ERCC6: variants seen among roughly 807,000 people sequenced by gnomAD.
The protein encoded by ERCC6 is ERCC excision repair 6, chromatin remodeling factor.
ERCC6 carries 116 observed loss-of-function variants against 158.7 expected under a neutral mutation model. The observed-to-expected ratio is 0.73, with a 90% CI of 0.63 to 0.85. ERCC6 has a LOEUF of 0.85. Among genes scored for constraint, ERCC6 ranks in the 40% least tolerant of loss-of-function variants. The pLI is 0.00. For synonymous variants in ERCC6, 678 were observed against 659.3 expected (o/e 1.03, Z -0.43); for missense variants, 1,698 against 1,799.4 (o/e 0.94, Z 1.02).
rs760694729 is a variant in ERCC6 at position 49,471,049 on chromosome 10, T to C, written c.2996A>G (p.Asn999Ser). ...CAGAGTAAATAGCTCATAGAGATCA[T>C]TGGATTTGAAAAACCGCCTTTGTTT... is the stretch of plus-strand genomic sequence containing the variant. ...DPKQRRFFKS[N>S]DLYELFTLTS... The change falls in exon 17 of 21, where the codon AAT becomes AGT. Residue 999 changes from asparagine (N) to serine (S), a missense_variant. Asn to Ser is a conservative substitution (Grantham distance 46). Transcript: ENST00000355832. 73 of 1,614,010 alleles carry C rather than the reference T, an allele frequency of 4.5e-5. No individual in the cohort carries two copies. In the Middle Eastern group the frequency reaches 4.9e-4, roughly 11 times the overall value.
chr10:49,511,794 C>A (rs1036334344), intron 5 of ERCC6, among the ~76,000 whole-genome samples: 21 of 152,108 alleles, frequency 1.4e-4, no homozygotes, highest in Admixed American at 1.3e-4. Flanking sequence ...GAGAACCCAA[C>A]AACAGACACA....
At chr10:49,479,307 G>T (rs1430366302) in intron 10 of ERCC6, among the ~76,000 whole-genome samples, 6 of 151,958 alleles carry the variant, frequency 3.9e-5, no homozygotes, top group African/African-American at 1.5e-4. Flanking sequence ...TAATAAAAAA[G>T]AGCTTGACCA....
chr10:49,533,479 T>C (rs1243463723), intron 1 of ERCC6, among the ~76,000 whole-genome samples: 1 of 152,148 alleles, frequency 6.6e-6, no homozygotes, highest in Non-Finnish European at 1.5e-5. Flanking sequence ...TTTGAACAAA[T>C]CAGAAGCTCA....
intron 2 of ERCC6, among the ~76,000 whole-genome samples, chr10:49,531,914 C>A (rs4253015): frequency 6.6e-6 from 1 of 152,108 alleles, no homozygotes; most frequent in Non-Finnish European, 1.5e-5. Context: ...CCTCCCACTT[C>A]CCCTCTCCTG....
chr10:49,482,891 A>T (rs767770084), intron 9 of ERCC6, 28 bp from the exon 10 acceptor site: 1 of 1,613,700 alleles, frequency 6.2e-7, no homozygotes, highest in East Asian at 2.2e-5. Flanking sequence ...GCACCTTTTT[A>T]TTAAATTTAC....
intron 18 of ERCC6, among the ~76,000 whole-genome samples, chr10:49,462,523 A>G (rs1169894690): frequency 6.6e-6 from 1 of 152,176 alleles, no homozygotes; most frequent in African/African-American, 2.4e-5. Context: ...TTCATAGGAA[A>G]AAAATCATAA....
At chr10:49,534,413 T>C (rs1837549112) in intron 1 of ERCC6, among the ~76,000 whole-genome samples, 1 of 152,256 alleles carries the variant, frequency 6.6e-6, no homozygotes, top group African/African-American at 2.4e-5. Flanking sequence ...CAAGAATGTT[T>C]AGTGCAGCAC....
rs4253181 is a variant in ERCC6, at chr10:49,477,810, C to G, written c.2286+544G>C. ...GACTTGCTCCTTCGCCTTCTTTAGG[C>G]CTCTGCTCAGGTGTCAGTTCATCAA... On this transcript the variant is annotated intron_variant, in intron 11 of 20. Transcript: ENST00000355832. Among the ~76,000 whole-genome samples the G allele has an allele frequency of 1.3e-3, 193 of 152,336 alleles. 1 individual carries two copies. Among genetic ancestry groups the G allele is most frequent in the Middle Eastern group, 3.4e-3 (1 of 294 alleles).
At chr10:49,449,927 C>A (rs1850402900), downstream of ERCC6, among the ~76,000 whole-genome samples, 1 of 152,008 alleles carries the variant, frequency 6.6e-6, no homozygotes, top group Admixed American at 6.6e-5. Context: ...GGCTGGAGTA[C>A]AGTGGCATGC....
rs147079519 is a variant in ERCC6, at chr10:49,470,569, T to G, written c.3391A>C (p.Asn1131His). The change falls in exon 18 of 21, where the codon AAT becomes CAT. Residue 1131 changes from asparagine (N) to histidine (H), a missense_variant. Coordinates refer to ENST00000355832, the MANE Select transcript of ERCC6 (RefSeq NM_000124.4). ...SVISGNGECS[N>H]SSGTGKTSMP... ...GAAGTTTTGCCTGTTCCTGAAGAATTTGAACATTCCCCATTTCCACTAATC... is the reference window on the plus strand; with the variant it reads ...GAAGTTTTGCCTGTTCCTGAAGAATGTGAACATTCCCCATTTCCACTAATC... 2.5e-6 allele frequency: 4 copies of G among 1,614,174 alleles called. No homozygotes were observed. Among genetic ancestry groups the G allele is most frequent in the African/African-American group, 2.7e-5 (2 of 75,066 alleles).
chr10:49,528,663 T>C, intron 3 of ERCC6, 138 bp from the exon 4 acceptor site: 5 of 1,110,126 alleles, frequency 4.5e-6, no homozygotes, highest in Non-Finnish European at 6.4e-6. Context: ...ATTCCATACA[T>C]TACTATTACT....
At chr10:49,449,219 G>C (rs187379823), downstream of ERCC6, among the ~76,000 whole-genome samples, 1 of 152,188 alleles carries the variant, frequency 6.6e-6, no homozygotes, top group East Asian at 1.9e-4. Flanking sequence ...GCATTTCCCT[G>C]ATGACTAATG....
chr10:49,446,975 G>A, the ERCC6 span, among the ~76,000 whole-genome samples: 1 of 152,168 alleles, frequency 6.6e-6, no homozygotes, highest in Non-Finnish European at 1.5e-5. Flanking sequence ...AGGAAGCACA[G>A]GCTCCATACA....
At position 49,454,939 on chromosome 10, in the gene ERCC6, C is replaced by A. The variant is rs1312329813; in HGVS notation, c.*3876G>T. 1.3e-5 allele frequency among the ~76,000 whole-genome samples: 2 copies of A among 152,004 alleles called. No individual in the cohort carries two copies. Among genetic ancestry groups the A allele is most frequent in the African/African-American group, 4.8e-5 (2 of 41,388 alleles). On this transcript the variant is annotated 3_prime_UTR_variant, in exon 21 of 21. Transcript: ENST00000355832. ...TATACATCAGGAGGAAAATAATAAA[C>A]TATTTTTTAAAGGTGCTAGGGAAAC...
intron 8 of ERCC6, among the ~76,000 whole-genome samples, chr10:49,492,739 T>C (rs1851196330): frequency 6.6e-6 from 1 of 152,254 alleles, no homozygotes; most frequent in Non-Finnish European, 1.5e-5. Flanking sequence ...GAGTTGTTAT[T>C]TTACTTCTGT....
Position 49,456,461 on chromosome 10 carries a change from T to C in ERCC6, c.*2354A>G, listed in dbSNP as rs539634432. 5.3e-5 allele frequency: 8 copies of C among 152,354 alleles called. No homozygotes were observed. Among genetic ancestry groups the C allele is most frequent in the Non-Finnish European group, 1.0e-4 (7 of 68,040 alleles). 9.4% of individuals were successfully genotyped at this position (152,354 alleles called of 1,614,324 possible). A position where few individuals can be genotyped will look rare whatever the true frequency, so the allele number is the denominator to read the frequency against. ...ACGTCCAGGTAAAACTCAAAAATTT[T>C]ATTAGTAAAGGAAGAATGGGAAAAT... On this transcript the variant is annotated 3_prime_UTR_variant, in exon 21 of 21. Coordinates refer to ENST00000355832, the MANE Select transcript of ERCC6 (RefSeq NM_000124.4).
intron 3 of ERCC6, among the ~76,000 whole-genome samples, chr10:49,530,493 TGG>T (rs1368120592): frequency 1.3e-5 from 2 of 152,202 alleles, no homozygotes; most frequent in African/African-American, 2.4e-5. Context: ...TGTATACGTA[TGG>T]ATGTGTGTGT....
rs952008641 is a variant in ERCC6, at chr10:49,516,693, G to A, written c.1397+7340C>T. ...AAAAAGTTCAAGAATTTCTGTGGGA[G>A]TTCTCATTACGGTGAAGAAATCGTT... On this transcript the variant is annotated intron_variant, in intron 5 of 20. Transcript: ENST00000355832. The A allele has an allele frequency of 3.7e-6, 6 of 1,614,106 alleles. No individual in the cohort carries two copies. In the African/African-American group the frequency reaches 8.0e-5, roughly 22 times the overall value.
chr10:49,438,400 C>A, the ERCC6 span, among the ~76,000 whole-genome samples: 1 of 152,118 alleles, frequency 6.6e-6, no homozygotes, highest in African/African-American at 2.4e-5. Flanking sequence ...AAAGTGGAAA[C>A]CCCTGATAAA....
Sources: allele counts gnomAD v4.1 joint callset (sites outside exome capture counted in the v4.1 genomes callset), GRCh38; gene constraint gnomAD v4.1.1; transcripts MANE v1.5; gene names NCBI Gene and HGNC (gene_info 2026-07-23, HGNC 2026-07-21).